Variants in HCN1 observed in about 807,000 individuals in gnomAD.
HCN1 encodes the protein potassium/sodium hyperpolarization-activated cyclic nucleotide-gated channel 1.
Under a neutral mutation model 78.9 loss-of-function variants are expected in HCN1, and 13 were observed. That is an observed-to-expected ratio of 0.16 (90% CI 0.11 to 0.26). HCN1 has a LOEUF of 0.26. HCN1 is among the 10% of genes least tolerant of loss of function. The pLI is 1.00. For missense variants in HCN1, 810 were observed against 1,154.3 expected (o/e 0.70, Z 4.32); for synonymous variants, 552 against 455.5 (o/e 1.21, Z -2.70).
intron 1 of HCN1, among the ~76,000 whole-genome samples, chr5:45,677,690 C>G (rs1739604628): frequency 6.6e-6 from 1 of 151,722 alleles, no homozygotes; most frequent in African/African-American, 2.4e-5. Context: ...AGAGTAATGA[C>G]AAGCAAGAGA....
chr5:45,330,929 A>G (rs918318328), intron 5 of HCN1, among the ~76,000 whole-genome samples: 3 of 151,390 alleles, frequency 2.0e-5, no homozygotes, highest in African/African-American at 7.2e-5. Context: ...CCACTTGCAA[A>G]AACTTTAAAA....
At chr5:45,521,785 TTATAA>T (rs1316390341) in intron 2 of HCN1, among the ~76,000 whole-genome samples, 2 of 152,018 alleles carry the variant, frequency 1.3e-5, no homozygotes, top group African/African-American at 4.8e-5. Context: ...TTAAATAACG[TTATAA>T]TATAACTTAT....
chr5:45,634,688 A>G (rs573611960), intron 2 of HCN1, among the ~76,000 whole-genome samples: 2 of 152,154 alleles, frequency 1.3e-5, no homozygotes, highest in South Asian at 4.1e-4. Context: ...AATATGTGTC[A>G]GGAGAAGAAA....
At chr5:45,324,717 T>A (rs1166578484) in intron 5 of HCN1, among the ~76,000 whole-genome samples, 1 of 151,666 alleles carries the variant, frequency 6.6e-6, no homozygotes, top group Non-Finnish European at 1.5e-5. Flanking sequence ...GAAGAATAAA[T>A]CAATATCTGG....
At chr5:45,502,799 A>C (rs1055944413) in intron 2 of HCN1, among the ~76,000 whole-genome samples, 1 of 152,222 alleles carries the variant, frequency 6.6e-6, no homozygotes, top group African/African-American at 2.4e-5. Flanking sequence ...CAATAATAAT[A>C]ATAGTTTAAA....
chr5:45,293,286 C>G (rs1007696609), intron 6 of HCN1, among the ~76,000 whole-genome samples: 3 of 151,938 alleles, frequency 2.0e-5, no homozygotes, highest in Non-Finnish European at 4.4e-5. Context: ...TAATAATAGC[C>G]ATTCTGACTG....
At chr5:45,353,563 T>C (rs767842985) in intron 4 of HCN1, among the ~76,000 whole-genome samples, 10 of 152,048 alleles carry the variant, frequency 6.6e-5, no homozygotes, top group Non-Finnish European at 1.3e-4. Context: ...CAAAATGTTA[T>C]GCTATTTTTT....
At chr5:45,528,721 C>CA (rs1275705063) in intron 2 of HCN1, among the ~76,000 whole-genome samples, 1 of 151,924 alleles carries the variant, frequency 6.6e-6, no homozygotes, top group African/African-American at 2.4e-5. Context: ...CCTTAACCCC[C>CA]ACACTATCTT....
intron 2 of HCN1, among the ~76,000 whole-genome samples, chr5:45,545,930 T>G (rs960959768): frequency 1.3e-5 from 2 of 152,050 alleles, no homozygotes; most frequent in African/African-American, 4.8e-5. Context: ...AGAATAAATA[T>G]GTATATACTT....
At chr5:45,657,727 A>C (rs1284981486) in intron 1 of HCN1, among the ~76,000 whole-genome samples, 1 of 152,218 alleles carries the variant, frequency 6.6e-6, no homozygotes, top group Non-Finnish European at 1.5e-5. Context: ...ACCACTGCTC[A>C]ATGAAATAAA....
In HCN1 at chr5:45,446,172, C is replaced by T. The variant is rs896096260; in HGVS notation, c.1011+15674G>A. ...TTAGACGAATGTATAACTAGAATAA[C>T]CAATACAGAGAAGTGCTTAAAGGAG... On this transcript the variant is annotated intron_variant, in intron 3 of 7. Coordinates refer to ENST00000303230, the MANE Select transcript of HCN1 (RefSeq NM_021072.4). Among the ~76,000 whole-genome samples the T allele has an allele frequency of 1.4e-4, 21 of 152,210 alleles. No homozygotes were observed. The South Asian group carries it at 1.5e-3, about 11-fold the overall frequency.
intron 2 of HCN1, among the ~76,000 whole-genome samples, chr5:45,523,112 G>T (rs1742648793): frequency 6.6e-6 from 1 of 151,132 alleles, no homozygotes; most frequent in South Asian, 2.1e-4. Flanking sequence ...TGTGGTGTTT[G>T]GTTTTTTGTC....
At chr5:45,371,354 A>G (rs1330368339) in intron 4 of HCN1, among the ~76,000 whole-genome samples, 2 of 152,008 alleles carry the variant, frequency 1.3e-5, no homozygotes, top group Admixed American at 1.3e-4. Context: ...CCTTGAAAAA[A>G]TTAATAACAT....
chr5:45,456,916 A>C (rs1741039199), intron 3 of HCN1, among the ~76,000 whole-genome samples: 1 of 152,020 alleles, frequency 6.6e-6, no homozygotes, highest in Non-Finnish European at 1.5e-5. Context: ...ATGCTCAAAA[A>C]CCAGAATTAT....
chr5:45,605,702 T>C (rs1475552788), intron 2 of HCN1, among the ~76,000 whole-genome samples: 2 of 152,002 alleles, frequency 1.3e-5, no homozygotes, highest in Admixed American at 6.6e-5. Context: ...AATGAAACTA[T>C]TGGAGTCAGT....
intron 2 of HCN1, among the ~76,000 whole-genome samples, chr5:45,527,605 TTC>T (rs763230107): frequency 9.4e-4 from 142 of 151,036 alleles, no homozygotes; most frequent in Middle Eastern, 3.5e-3. Flanking sequence ...TCTCTCTCTT[TTC>T]TCTCTCTTTC....
intron 1 of HCN1, among the ~76,000 whole-genome samples, chr5:45,656,565 G>A (rs1172232031): frequency 6.6e-6 from 1 of 152,122 alleles, no homozygotes; most frequent in Non-Finnish European, 1.5e-5. Context: ...TTGCATAAAA[G>A]TTAAAAGGTC....
chr5:45,508,959 C>A (rs148196219), intron 2 of HCN1, among the ~76,000 whole-genome samples: 4 of 152,032 alleles, frequency 2.6e-5, no homozygotes, highest in Non-Finnish European at 4.4e-5. Flanking sequence ...ACTATTCAGC[C>A]TGCTTGTAAA....
chr5:45,262,637 T>C lies in HCN1; in HGVS notation c.1957A>G (p.Thr653Ala). ...CTCATGCGGGAGGTCGGGGTCGTAG[T>C]AGACGATGTGGAATTCAGGGTTGTC... ...QMTTLNSTSS[T>A]TTPTSRMRTQ... is the part of the protein sequence containing the mutation. Residue 653 changes from threonine to alanine, a missense_variant, in exon 8 of 8, where the codon ACT becomes GCT. Physicochemically the swap from Thr to Ala is moderately conservative, Grantham distance 58. Around this residue, in one of 6 missense-constraint regions of HCN1, gnomAD observed 398 missense variants for 381.3 expected, o/e 1.04. Transcript: ENST00000303230. 2.5e-6 allele frequency: 4 copies of C among 1,613,946 alleles called. No homozygotes were observed. The highest frequency in any genetic ancestry group is 3.4e-6 in the Non-Finnish European group (4 of 1,180,000).
Sources: allele counts gnomAD v4.1 joint callset (sites outside exome capture counted in the v4.1 genomes callset), GRCh38; gene constraint gnomAD v4.1.1; regional missense constraint gnomAD v4.1.1; transcripts MANE v1.5; gene names NCBI Gene and HGNC (gene_info 2026-07-23, HGNC 2026-07-21).